MGRN1: variants seen among roughly 807,000 people sequenced by gnomAD.
MGRN1 encodes mahogunin ring finger 1.
MGRN1 carries 29 observed loss-of-function variants against 69.2 expected under a neutral mutation model. The observed-to-expected ratio is 0.42, with a 90% CI of 0.31 to 0.57. MGRN1 has a LOEUF of 0.57. Among genes scored for constraint, MGRN1 ranks in the 20% least tolerant of loss-of-function variants. The probability of loss-of-function intolerance (pLI) is 0.15; values close to 1 mark genes in which losing one functional copy is unlikely to be tolerated. For synonymous variants in MGRN1, 470 were observed against 344.2 expected, an observed-to-expected ratio of 1.37 and a Z score of -4.04; for missense variants, 998 against 796.2, an observed-to-expected ratio of 1.25 and a Z score of -3.05.
chr16:4,653,043 G>A (rs745620957), intron 4 of MGRN1, among the ~76,000 whole-genome samples: 1 of 152,162 alleles, frequency 6.6e-6, no homozygotes, highest in Non-Finnish European at 1.5e-5. Flanking sequence ...CAGTTCCAAC[G>A]CTGCCTGGAG....
Position 4,672,591 on chromosome 16 carries a change from G to A in MGRN1, c.796-907G>A, listed in dbSNP as rs192404165. 1.5e-3 allele frequency: 574 copies of A among 394,332 alleles called. 2 individuals are homozygous for A. Among genetic ancestry groups the A allele is most frequent in the African/African-American group, 0.011 (538 of 48,420 alleles). The allele number at this position is 394,332 out of a possible 1,614,324, so 24.4% of individuals were successfully genotyped here. On this transcript the variant is annotated intron_variant, in intron 9 of 16. Transcript: ENST00000262370. ...GTTCAGAGAGGGAATGTTTTCAGCC[G>A]CCCGGGCATATGGTCTCTGTTGCAC...
intron 1 of MGRN1, among the ~76,000 whole-genome samples, chr16:4,645,145 C>CGGGGGT (rs1158794520): frequency 2.3e-4 from 1 of 4,274 alleles, no homozygotes; most frequent in East Asian, 9.1e-3. Context: ...TGAGAGTTGG[C>CGGGGGT]GGGGGTGGGG....
intron 10 of MGRN1, among the ~76,000 whole-genome samples, chr16:4,674,422 G>GGGATTACA (rs1272281976): frequency 6.6e-6 from 1 of 151,612 alleles, no homozygotes; most frequent in Non-Finnish European, 1.5e-5. Flanking sequence ...CTGAGTAGAT[G>GGGATTACA]GGATTACAGC....
At chr16:4,658,097 C>A (rs1288630178) in intron 5 of MGRN1, among the ~76,000 whole-genome samples, 1 of 151,866 alleles carries the variant, frequency 6.6e-6, no homozygotes, top group South Asian at 2.1e-4. Context: ...TGAGTGGCTG[C>A]TTTGCTAGTT....
chr16:4,676,046 G>A (rs1344295886), intron 10 of MGRN1, among the ~76,000 whole-genome samples: 3 of 152,240 alleles, frequency 2.0e-5, no homozygotes, highest in Admixed American at 6.5e-5. Context: ...GGACACATGC[G>A]CTTAGTAGGC....
intron 8 of MGRN1, among the ~76,000 whole-genome samples, chr16:4,669,837 C>T (rs2078899344): frequency 1.3e-5 from 2 of 152,032 alleles, no homozygotes; most frequent in Admixed American, 1.3e-4. Flanking sequence ...TGGGATGCTG[C>T]ATTGGGAAGT....
chr16:4,642,466 TTGTGTGTGTGTGTGTGTG>T lies in MGRN1; in HGVS notation c.89-7881_89-7864del, dbSNP rs143119735. On this transcript the variant is annotated intron_variant, in intron 1 of 16. Coordinates refer to ENST00000262370, the MANE Select transcript of MGRN1 (RefSeq NM_015246.4). ...GCATGCACCACCACGGCCAGCTAATTTGTGTGTGTGTGTGTGTGTGTGTGTGTGTGTGTGTTTTTAGTA... is the reference window on the plus strand; with the variant it reads ...GCATGCACCACCACGGCCAGCTAATTTGTGTGTGTGTGTGTGTTTTTAGTA... Among the ~76,000 whole-genome samples the T allele has an allele frequency of 4.1e-3, 582 of 141,820 alleles. 3 individuals carry two copies. Among genetic ancestry groups the T allele is most frequent in the Middle Eastern group, 0.011 (3 of 280 alleles). 93.0% of individuals were successfully genotyped at this position (141,820 alleles called of 152,430 possible).
chr16:4,688,767 G>C, intron 16 of MGRN1, 29 bp from the exon 17 acceptor site: 2 of 1,522,158 alleles, frequency 1.3e-6, no homozygotes, highest in Non-Finnish European at 1.8e-6. Context: ...ATCCGAGTGT[G>C]ACCCTCCTCC....
chr16:4,675,854 G>A (rs1340341233), intron 10 of MGRN1, among the ~76,000 whole-genome samples: 3 of 152,204 alleles, frequency 2.0e-5, no homozygotes, highest in Admixed American at 6.5e-5. Flanking sequence ...AAAGCCGCTC[G>A]TAGGGCCCCG....
At chr16:4,658,404 C>T (rs970254974) in intron 5 of MGRN1, among the ~76,000 whole-genome samples, 24 of 152,122 alleles carry the variant, frequency 1.6e-4, no homozygotes, top group East Asian at 5.9e-4. Context: ...GGTGTGGTGG[C>T]GGGCGCCTGT....
chr16:4,625,101 C>T (rs1037343239), intron 1 of MGRN1, 53 bp downstream of exon 1: 11 of 1,464,088 alleles, frequency 7.5e-6, no homozygotes, highest in South Asian at 1.3e-5. Flanking sequence ...GAACGCGGAC[C>T]CGGCGGGCGC....
chr16:4,639,297 C>T (rs766420267), intron 1 of MGRN1, among the ~76,000 whole-genome samples: 7 of 152,066 alleles, frequency 4.6e-5, no homozygotes, highest in African/African-American at 1.5e-4. Flanking sequence ...GCGTTGACCA[C>T]GAGCTGGCAG....
At chr16:4,631,117 T>C (rs1454164962) in intron 1 of MGRN1, among the ~76,000 whole-genome samples, 1 of 152,182 alleles carries the variant, frequency 6.6e-6, no homozygotes, top group Admixed American at 6.6e-5. Flanking sequence ...CCGCTGTAGC[T>C]GACCAAATTA....
At position 4,633,710 on chromosome 16, in the gene MGRN1, T is replaced by TAA. The variant is rs201071574; in HGVS notation, c.88+8669_88+8670dup. On this transcript the variant is annotated intron_variant, in intron 1 of 16. Coordinates refer to ENST00000262370, the MANE Select transcript of MGRN1 (RefSeq NM_015246.4). ...CTGTCTCAAAAAATATATCTATCAA[T>TAA]AAAAAAAATTATTATTATTATTATT... is the stretch of plus-strand genomic sequence containing the variant. 3 of 144,962 alleles carry TAA rather than the reference T, an allele frequency of 2.1e-5. No individual in the cohort carries two copies. In the South Asian group the frequency reaches 6.3e-4, roughly 30 times the overall value. 9.0% of individuals were successfully genotyped at this position (144,962 alleles called of 1,614,324 possible).
At position 4,690,898 on chromosome 16, in the gene MGRN1, C is replaced by T. The variant is rs1596327334; in HGVS notation, c.*1990C>T. 1.3e-5 allele frequency: 2 copies of T among 151,878 alleles called. No homozygotes were observed. The highest frequency in any genetic ancestry group is 2.1e-4 in the South Asian group (1 of 4,800). The allele number at this position is 151,878 out of a possible 1,614,324, so 9.4% of individuals were successfully genotyped here. On this transcript the variant is annotated 3_prime_UTR_variant, in exon 17 of 17. Transcript: ENST00000262370. ...GCCCGCTGGGACTCCCATGTGCTGC[C>T]GTCTGATGTGCTCAGATGGGCTCAT...
chr16:4,668,048 C>G (rs1185678707), intron 7 of MGRN1, among the ~76,000 whole-genome samples: 1 of 151,898 alleles, frequency 6.6e-6, no homozygotes, highest in Admixed American at 6.5e-5. Context: ...TTCTGGAGGC[C>G]TCAGATAGTT....
In MGRN1 at chr16:4,681,631, A is replaced by G. The variant is rs2079184528; in HGVS notation, c.1213A>G (p.Ile405Val). ...CGGCCTCCGGGCTGTCTCCCCGGCC[A>G]TCCCCTCGGCCCCTCTTTATGAAGA... is the stretch of plus-strand genomic sequence containing the variant. ...LNGLRAVSPA[I>V]PSAPLYEEIT... The change falls in exon 13 of 17, where the codon ATC (isoleucine) becomes GTC (valine). Residue 405 changes from isoleucine to valine, a missense_variant. By Grantham distance (29) the Ile-to-Val change is conservative. Coordinates refer to ENST00000262370, the MANE Select transcript of MGRN1 (RefSeq NM_015246.4). 6.2e-7 allele frequency: 1 copy of G among 1,613,334 alleles called. No homozygotes were observed. Among genetic ancestry groups the G allele is most frequent in the African/African-American group, 1.3e-5 (1 of 74,948 alleles).
chr16:4,687,200 T>A, intron 16 of MGRN1: 17 of 940,050 alleles, frequency 1.8e-5, no homozygotes, highest in Non-Finnish European at 1.9e-5. Context: ...GAGGTTGGCA[T>A]CCCCCATCCC....
chr16:4,628,541 C>T (rs180903833), intron 1 of MGRN1, among the ~76,000 whole-genome samples: 3 of 152,182 alleles, frequency 2.0e-5, no homozygotes, highest in East Asian at 1.9e-4. Flanking sequence ...AGCCCATCAG[C>T]GATCTGCTTT....
Sources: gnomAD v4.1 joint callset for allele counts (sites outside exome capture counted in the v4.1 genomes callset) on GRCh38, gnomAD v4.1.1 for gene constraint, MANE v1.5 for transcripts, NCBI Gene and HGNC (gene_info 2026-07-23, HGNC 2026-07-21) for gene names.